Variants in IQSEC1 observed in about 807,000 individuals in gnomAD.
IQSEC1 encodes the protein IQ motif and Sec7 domain ArfGEF 1.
IQSEC1 carries 31 observed loss-of-function variants against 91.0 expected under a neutral mutation model. The observed-to-expected ratio is 0.34, with a 90% CI of 0.26 to 0.46. The LOEUF (loss-of-function observed/expected upper bound fraction) is 0.46. Among genes scored for constraint, IQSEC1 ranks in the 20% least tolerant of loss-of-function variants. IQSEC1 has a pLI of 1.00. For synonymous variants in IQSEC1, 699 were observed against 662.6 expected, an observed-to-expected ratio of 1.05 and a Z score of -0.84; for missense variants, 1,388 against 1,575.6, an observed-to-expected ratio of 0.88 and a Z score of 2.02.
chr3:12,930,652 C>A (rs1697585764), intron 3 of IQSEC1, among the ~76,000 whole-genome samples: 2 of 152,314 alleles, frequency 1.3e-5, no homozygotes, highest in East Asian at 3.9e-4. Context: ...CAGGGCCAAC[C>A]CTAAGCCAGA....
At chr3:13,018,400 A>AC in intron 1 of IQSEC1, among the ~76,000 whole-genome samples, 1 of 152,276 alleles carries the variant, frequency 6.6e-6, no homozygotes, top group South Asian at 2.1e-4. Flanking sequence ...ATCAACCAGC[A>AC]CCCTGGGCCC....
chr3:13,080,844 G>A (rs1458898973), intron 2 of IQSEC1, among the ~76,000 whole-genome samples: 2 of 152,260 alleles, frequency 1.3e-5, no homozygotes, highest in East Asian at 1.9e-4. Flanking sequence ...CCTCCTCCCC[G>A]GGGATCTGAG....
intron 1 of IQSEC1, among the ~76,000 whole-genome samples, chr3:13,062,241 T>G (rs986461693): frequency 6.6e-6 from 1 of 152,158 alleles, no homozygotes; most frequent in Non-Finnish European, 1.5e-5. Flanking sequence ...TCACATTTCT[T>G]AAGTCCTAGC....
intron 2 of IQSEC1, among the ~76,000 whole-genome samples, chr3:13,132,252 C>T (rs6792854): frequency 0.022 from 3,390 of 152,282 alleles, 118 homozygotes; most frequent in African/African-American, 0.078. Context: ...ACTGCTAGGG[C>T]AAGACTTTGA....
intron 1 of IQSEC1, among the ~76,000 whole-genome samples, chr3:13,005,589 G>A (rs1030689341): frequency 2.0e-5 from 3 of 152,240 alleles, no homozygotes; most frequent in Admixed American, 6.5e-5. Flanking sequence ...TTTGAGCCCA[G>A]CTCTCCACCT....
rs891375761 is a variant in IQSEC1, at chr3:13,277,276, C to T, written c.272+5435G>A. ...TCCAGGCCCCTCCAACGTGACCGAC[C>T]CCTCTCACTCCCCCCGGCACAGCAA... is the stretch of plus-strand genomic sequence containing the variant. On this transcript the variant is annotated intron_variant, in intron 1 of 15. Transcript: ENST00000648114. 5.3e-5 allele frequency among the ~76,000 whole-genome samples: 8 copies of T among 152,094 alleles called. 1 individual carries two copies. The South Asian group carries it at 1.7e-3, about 32-fold the overall frequency.
intron 1 of IQSEC1, among the ~76,000 whole-genome samples, chr3:13,033,215 C>T (rs1045677771): frequency 4.6e-5 from 7 of 152,206 alleles, no homozygotes; most frequent in Non-Finnish European, 5.9e-5. Flanking sequence ...ACAGAATACA[C>T]GCCCAGACAG....
chr3:12,975,978 C>T lies in IQSEC1; in HGVS notation c.24-34113G>A, dbSNP rs184308051. ...CGGCTGCAGAGGCAGACTCCTGGCT[C>T]GGCTCCCTTCTTGGCTGTATAGCCT... is the stretch of plus-strand genomic sequence containing the variant. On this transcript the variant is annotated intron_variant, in intron 1 of 13. Transcript: ENST00000613206. Among the ~76,000 whole-genome samples, 304 of 152,352 alleles carry T rather than the reference C, an allele frequency of 2.0e-3. 1 individual carries two copies. Among genetic ancestry groups the T allele is most frequent in the Middle Eastern group, 3.4e-3 (1 of 294 alleles).
chr3:13,082,737 C>T (rs1424989971), intron 2 of IQSEC1, among the ~76,000 whole-genome samples: 2 of 152,190 alleles, frequency 1.3e-5, no homozygotes, highest in Non-Finnish European at 2.9e-5. Flanking sequence ...GGTTCCAACC[C>T]AGTGCTGGTC....
At chr3:13,121,116 C>G (rs1706416506) in intron 2 of IQSEC1, among the ~76,000 whole-genome samples, 1 of 152,192 alleles carries the variant, frequency 6.6e-6, no homozygotes, top group African/African-American at 2.4e-5. Context: ...CAGTCGCTGC[C>G]CTATGCTGTA....
intron 3 of IQSEC1, among the ~76,000 whole-genome samples, chr3:12,934,142 C>T (rs985123533): frequency 7.2e-5 from 11 of 152,342 alleles, no homozygotes; most frequent in Admixed American, 4.6e-4. Context: ...CGCATTGCTC[C>T]GGCCGTGGCC....
chr3:12,920,618 G>A (rs373448503), intron 5 of IQSEC1, 22 bp from the exon 6 acceptor site: 41 of 1,612,668 alleles, frequency 2.5e-5, no homozygotes, highest in Non-Finnish European at 3.0e-5. Flanking sequence ...GAGGGAGGGG[G>A]TCAGGGCCAT....
Position 12,908,385 on chromosome 3 carries a change from C to T in IQSEC1, c.2719G>A (p.Ala907Thr), listed in dbSNP as rs754408494. 1.7e-5 allele frequency: 28 copies of T among 1,612,382 alleles called. No individual in the cohort carries two copies. Among genetic ancestry groups the T allele is most frequent in the Middle Eastern group, 1.9e-4 (1 of 5,286 alleles). ...AGGTCCCGCAGGGAGCTGCTGAGGG[C>T]GCTGCGCTTGAGGCCCTCACCGCTG... ...YASGEGLKRS[A>T]LSSSLRDLSE... The change falls in exon 12 of 14, where the codon GCC becomes ACC. Residue 907 changes from alanine to threonine, a missense_variant. Physicochemically the swap from Ala to Thr is moderately conservative, Grantham distance 58. Transcript: ENST00000613206. This position sits in a 1 kb window ranked among gnomAD's most constrained non-coding sequence, Gnocchi z 4.9.
At chr3:13,155,395 G>C (rs1252641155) in intron 2 of IQSEC1, among the ~76,000 whole-genome samples, 1 of 152,088 alleles carries the variant, frequency 6.6e-6, no homozygotes, top group Non-Finnish European at 1.5e-5. Context: ...CAAATTCCTA[G>C]AAACACCAAA....
chr3:13,151,753 G>A (rs1416068696), intron 2 of IQSEC1, among the ~76,000 whole-genome samples: 3 of 152,132 alleles, frequency 2.0e-5, no homozygotes, highest in Non-Finnish European at 2.9e-5. Context: ...ATCACCTGAG[G>A]TCAGGAGTTC....
chr3:13,165,578 G>GTGTGTGTGTGTGTGTC (rs1377649445), intron 1 of IQSEC1, among the ~76,000 whole-genome samples: 3 of 105,696 alleles, frequency 2.8e-5, no homozygotes, highest in Non-Finnish European at 5.4e-5. Flanking sequence ...GTGTGTGTGT[G>GTGTGTGTGTGTGTGTC]TGTCTGTCTG....
At chr3:13,215,247 T>A (rs1022680743) in intron 1 of IQSEC1, among the ~76,000 whole-genome samples, 10 of 151,724 alleles carry the variant, frequency 6.6e-5, no homozygotes, top group Non-Finnish European at 1.3e-4. Context: ...AGGCTCAGAA[T>A]GGCTGACCAG....
intron 1 of IQSEC1, among the ~76,000 whole-genome samples, chr3:13,068,253 T>A (rs1576232189): frequency 6.6e-6 from 1 of 152,208 alleles, no homozygotes; most frequent in Admixed American, 6.5e-5. Flanking sequence ...GGCAGGTGGG[T>A]CAGAGGTAGG....
chr3:13,166,011 C>T (rs558739347), intron 1 of IQSEC1, among the ~76,000 whole-genome samples: 2 of 152,298 alleles, frequency 1.3e-5, no homozygotes, highest in South Asian at 4.1e-4. Flanking sequence ...GACTGGTCAC[C>T]CAGGCGTTCA....
Sources: allele counts gnomAD v4.1 joint callset (sites outside exome capture counted in the v4.1 genomes callset), GRCh38; gene constraint gnomAD v4.1.1; non-coding constraint Gnocchi (gnomAD v3.1); transcripts MANE v1.5; gene names NCBI Gene and HGNC (gene_info 2026-07-23, HGNC 2026-07-21).